ADD1: variants seen among roughly 807,000 people sequenced by gnomAD.
ADD1 encodes alpha-adducin.
A neutral mutation model predicts 80.5 loss-of-function variants in ADD1; 24 were observed. That is an observed-to-expected ratio of 0.30 (90% CI 0.22 to 0.42). ADD1 has a LOEUF of 0.42. Ranked by LOEUF, ADD1 falls within the 10% of genes least tolerant of loss-of-function variation. The probability of loss-of-function intolerance (pLI) is 1.00; values close to 1 mark genes in which losing one functional copy is unlikely to be tolerated. For missense variants in ADD1, 948 were observed against 1,019.0 expected, an observed-to-expected ratio of 0.93 and a Z score of 0.95; for synonymous variants, 373 against 393.8, an observed-to-expected ratio of 0.95 and a Z score of 0.63.
At chr4:2,881,832 C>T in intron 2 of ADD1, 66 bp from the exon 3 acceptor site, 3 of 1,457,442 alleles carry the variant, frequency 2.1e-6, no homozygotes, top group East Asian at 2.5e-5. Flanking sequence ...GTGATAGCTA[C>T]TTCTGACCCC....
intron 4 of ADD1, among the ~76,000 whole-genome samples, chr4:2,892,942 G>C (rs745523826): frequency 1.3e-5 from 2 of 151,628 alleles, no homozygotes; most frequent in African/African-American, 2.4e-5. Context: ...TTTGAGACAG[G>C]GTCTTGTCTG....
intron 1 of ADD1, among the ~76,000 whole-genome samples, chr4:2,850,377 C>T (rs1339653747): frequency 1.3e-5 from 2 of 152,240 alleles, no homozygotes; most frequent in Non-Finnish European, 2.9e-5. Flanking sequence ...AAGCGATTCT[C>T]CTGCCTCAGC....
chr4:2,849,630 C>T (rs1321784723), intron 1 of ADD1, among the ~76,000 whole-genome samples: 1 of 152,218 alleles, frequency 6.6e-6, no homozygotes, highest in Admixed American at 6.5e-5. Flanking sequence ...CCAAACACTT[C>T]TCTCCTTCTC....
chr4:2,864,151 G>C (rs1025331240), intron 1 of ADD1, among the ~76,000 whole-genome samples: 4 of 152,184 alleles, frequency 2.6e-5, no homozygotes, highest in Non-Finnish European at 5.9e-5. Flanking sequence ...GGTGGCTCAC[G>C]CCTTTAATCC....
At position 2,875,955 on chromosome 4, in the gene ADD1, C is replaced by G; in HGVS notation, c.40C>G (p.Pro14Ala). Residue 14 changes from proline (P) to alanine (A), a missense_variant, in exon 2 of 16, where the codon CCC becomes GCC. Physicochemically the swap from Pro to Ala is conservative, Grantham distance 27. Transcript: ENST00000683351. Reference protein sequence around the residue: ...DSRAAVVTSPPPTTAPHKERY... With the variant: ...DSRAAVVTSPAPTTAPHKERY... ...TCGTGCTGCGGTGGTGACCTCACCA[C>G]CCCCGACCACAGCCCCTCACAAGGA... 1 of 1,613,006 alleles carries G rather than the reference C, an allele frequency of 6.2e-7. No homozygotes were observed. The highest frequency in any genetic ancestry group is 8.5e-7 in the Non-Finnish European group (1 of 1,179,458).
intron 9 of ADD1, 80 bp from the exon 10 acceptor site, chr4:2,904,684 G>A: frequency 7.6e-7 from 1 of 1,323,386 alleles, no homozygotes; most frequent in South Asian, 1.3e-5. Context: ...TTTTGTGGAT[G>A]TTTCCACATG....
chr4:2,891,025 C>T (rs757488379), intron 4 of ADD1, among the ~76,000 whole-genome samples: 1 of 151,984 alleles, frequency 6.6e-6, no homozygotes, highest in Non-Finnish European at 1.5e-5. Context: ...TGACTCCCAC[C>T]TGTAATCCCA....
chr4:2,880,893 C>CT (rs1437715539), intron 2 of ADD1, among the ~76,000 whole-genome samples: 13 of 151,490 alleles, frequency 8.6e-5, no homozygotes, highest in Non-Finnish European at 1.0e-4. Context: ...TCCAATTGCA[C>CT]TTTTTTTTGC....
chr4:2,849,046 T>A (rs996725765), intron 1 of ADD1, among the ~76,000 whole-genome samples: 1 of 152,204 alleles, frequency 6.6e-6, no homozygotes, highest in African/African-American at 2.4e-5. Flanking sequence ...AATTACACTT[T>A]TACTTTCCGT....
In ADD1 at chr4:2,894,106, T is replaced by G; in HGVS notation, c.591+13T>G. ...TGCATCCAGTTTGGTAAGAATGTCC[T>G]TCTCTTTGGCAGCTTGTATGTGCAG... On this transcript the variant is annotated intron_variant, in intron 5 of 15. Transcript: ENST00000683351. The G allele has an allele frequency of 6.2e-7, 1 of 1,607,316 alleles. No homozygotes were observed. Among genetic ancestry groups the G allele is most frequent in the Non-Finnish European group, 8.5e-7 (1 of 1,173,818 alleles).
intron 13 of ADD1, 122 bp from the exon 14 acceptor site, chr4:2,914,762 G>A (rs1738694172): frequency 2.9e-5 from 34 of 1,165,786 alleles, no homozygotes; most frequent in Non-Finnish European, 3.5e-5. Flanking sequence ...TGGCAGTGCA[G>A]TCTCAGGGGT....
intron 1 of ADD1, among the ~76,000 whole-genome samples, chr4:2,875,212 G>A (rs947446184): frequency 6.6e-6 from 1 of 152,076 alleles, no homozygotes; most frequent in African/African-American, 2.4e-5. Flanking sequence ...CTCGGTGGCA[G>A]AACAAGACCC....
intron 1 of ADD1, among the ~76,000 whole-genome samples, chr4:2,858,729 G>T (rs1351211854): frequency 6.6e-6 from 1 of 152,216 alleles, no homozygotes; most frequent in Admixed American, 6.5e-5. Context: ...GCTCATGCCT[G>T]TATTTCTAGC....
chr4:2,907,970 G>A (rs559191854), intron 11 of ADD1, 126 bp downstream of exon 11: 23 of 738,784 alleles, frequency 3.1e-5, no homozygotes, highest in Middle Eastern at 7.6e-4. Flanking sequence ...CTGTTGCAGT[G>A]AAGCCATCTC....
intron 3 of ADD1, among the ~76,000 whole-genome samples, chr4:2,883,817 G>A (rs1004461017): frequency 1.3e-5 from 2 of 151,922 alleles, no homozygotes; most frequent in East Asian, 1.9e-4. Context: ...GAGTATAGGC[G>A]CCCACCACCA....
chr4:2,909,716 G>A (rs928098201), intron 13 of ADD1, among the ~76,000 whole-genome samples: 6 of 152,086 alleles, frequency 3.9e-5, no homozygotes, highest in African/African-American at 1.4e-4. Context: ...ACGGGACTTT[G>A]GTCAGTGCGT....
rs959788309 is a variant in ADD1 at position 2,873,115 on chromosome 4, C to T, written c.-20-2781C>T. Among the ~76,000 whole-genome samples the T allele has an allele frequency of 2.0e-5, 3 of 152,102 alleles. No homozygotes were observed. In the South Asian group the frequency reaches 6.2e-4, roughly 32 times the overall value. ...TGAAGTAATTCTTGTGCCTCAGCCT[C>T]CTGAGTAGCTGAGATTACAGGTGCG... is the stretch of plus-strand genomic sequence containing the variant. On this transcript the variant is annotated intron_variant, in intron 1 of 15. Transcript: ENST00000683351.
chr4:2,849,225 G>C (rs1301557871), intron 1 of ADD1, among the ~76,000 whole-genome samples: 1 of 152,138 alleles, frequency 6.6e-6, no homozygotes, highest in East Asian at 1.9e-4. Context: ...CTACTAAGCT[G>C]TCAGCAAATG....
Position 2,915,023 on chromosome 4 carries a change from A to G in ADD1, c.1931A>G (p.Lys644Arg), listed in dbSNP as rs776376807. 36 of 1,613,384 alleles carry G rather than the reference A, an allele frequency of 2.2e-5. No homozygotes were observed. In the East Asian group the frequency reaches 8.0e-4, roughly 36 times the overall value. ...LEEYRREVER[K>R]QKGSEENLDE... ...GAGTACCGCAGGGAGGTGGAGAGGA[A>G]GCAGAAGGGCTCTGAAGGTGAGTGC... The change falls in exon 14 of 16, where the codon AAG becomes AGG. Residue 644 changes from lysine (K) to arginine (R), a missense_variant. By Grantham distance (26) the Lys-to-Arg change is conservative (BLOSUM62 2). Coordinates refer to ENST00000683351, the MANE Select transcript of ADD1 (RefSeq NM_001354761.2).
Sources: gnomAD v4.1 joint callset for allele counts (sites outside exome capture counted in the v4.1 genomes callset) on GRCh38, gnomAD v4.1.1 for gene constraint, MANE v1.5 for transcripts, NCBI Gene and HGNC (gene_info 2026-07-23, HGNC 2026-07-21) for gene names.